Variants in IGF2BP2 observed in about 807,000 individuals in gnomAD.
The protein encoded by IGF2BP2 is insulin like growth factor 2 mRNA binding protein 2.
A neutral mutation model predicts 75.8 loss-of-function variants in IGF2BP2; 17 were observed. The ratio of observed to expected loss-of-function variants is 0.22; its 90% confidence interval spans 0.15 to 0.34. The LOEUF (loss-of-function observed/expected upper bound fraction) is 0.34, where lower values mean the gene tolerates loss of function less well. Among genes scored for constraint, IGF2BP2 ranks in the 10% least tolerant of loss-of-function variants. The pLI is 1.00. For missense variants in IGF2BP2, 516 were observed against 772.4 expected, an observed-to-expected ratio of 0.67 and a Z score of 3.93; for synonymous variants, 288 against 295.6, an observed-to-expected ratio of 0.97 and a Z score of 0.26.
intron 2 of IGF2BP2, among the ~76,000 whole-genome samples, chr3:185,735,771 A>G (rs1377063976): frequency 1.3e-5 from 2 of 152,194 alleles, no homozygotes; most frequent in African/African-American, 2.4e-5. Context: ...TTCTAAAAAT[A>G]TACCTTTTCA....
intron 2 of IGF2BP2, among the ~76,000 whole-genome samples, chr3:185,757,459 C>CTTTTT (rs57417087): frequency 1.5e-4 from 15 of 99,632 alleles, no homozygotes; most frequent in South Asian, 6.5e-4. Context: ...ATATCTCATA[C>CTTTTT]TTTTTTTTTT....
At chr3:185,663,045 C>T (rs1716729403) in intron 10 of IGF2BP2, among the ~76,000 whole-genome samples, 2 of 152,148 alleles carry the variant, frequency 1.3e-5, no homozygotes, top group Non-Finnish European at 2.9e-5. Context: ...TCAAATCTTG[C>T]TTATTTATAA....
At chr3:185,660,380 G>T (rs759434826) in intron 10 of IGF2BP2, among the ~76,000 whole-genome samples, 1 of 152,152 alleles carries the variant, frequency 6.6e-6, no homozygotes, top group Non-Finnish European at 1.5e-5. Flanking sequence ...TCCATCCCCC[G>T]AATCTCCTGA....
intron 7 of IGF2BP2, among the ~76,000 whole-genome samples, chr3:185,686,534 G>A (rs1577967438): frequency 1.3e-5 from 2 of 152,116 alleles, no homozygotes; most frequent in Admixed American, 1.3e-4. Flanking sequence ...TTAGAAGCAT[G>A]GTGGGAGAAA....
At chr3:185,685,774 C>T (rs559186067) in intron 7 of IGF2BP2, among the ~76,000 whole-genome samples, 36 of 152,166 alleles carry the variant, frequency 2.4e-4, no homozygotes, top group African/African-American at 7.7e-4. Flanking sequence ...CCTGAGTAGC[C>T]GAGACTACAG....
chr3:185,824,773 G>A lies in IGF2BP2; in HGVS notation c.178+10C>T. 4 of 1,335,944 alleles carry A rather than the reference G, an allele frequency of 3.0e-6. No homozygotes were observed. The highest frequency in any genetic ancestry group is 2.7e-4 in the Middle Eastern group (1 of 3,734). The allele number at this position is 1,335,944 out of a possible 1,614,324, so 82.8% of individuals were successfully genotyped here. A position where few individuals can be genotyped will look rare whatever the true frequency, so the allele number is the denominator to read the frequency against. On this transcript the variant is annotated intron_variant, in intron 1 of 15. Coordinates refer to ENST00000382199, the MANE Select transcript of IGF2BP2 (RefSeq NM_006548.6). ...CGAGGCGGGGGGAGGGGGCCGCGCT[G>A]AGTGCTCACCCGAGAGGGTCTCGAT...
chr3:185,662,773 C>T (rs1425517749), intron 10 of IGF2BP2, among the ~76,000 whole-genome samples: 2 of 152,012 alleles, frequency 1.3e-5, no homozygotes, highest in African/African-American at 2.4e-5. Flanking sequence ...AAACTCCTGA[C>T]CTCAGGTGAT....
rs578107227 is a variant in IGF2BP2 at position 185,712,821 on chromosome 3, GTATTT to G, written c.240-14479_240-14475del. Among the ~76,000 whole-genome samples the G allele has an allele frequency of 2.0e-3, 298 of 152,106 alleles. 1 individual carries two copies. Among genetic ancestry groups the G allele is most frequent in the African/African-American group, 6.9e-3 (286 of 41,508 alleles). ...AATAAGTTAGGTGACAAACTCCACT[GTATTT>G]TATAATTGGATGGCTTACAAATCAA... On this transcript the variant is annotated intron_variant, in intron 2 of 15. Coordinates refer to ENST00000382199, the MANE Select transcript of IGF2BP2 (RefSeq NM_006548.6).
intron 7 of IGF2BP2, among the ~76,000 whole-genome samples, chr3:185,681,120 G>C (rs760935456): frequency 3.3e-5 from 5 of 152,046 alleles, no homozygotes; most frequent in Non-Finnish European, 5.9e-5. Context: ...AGAAATAAAA[G>C]GCATTCGAAT....
intron 2 of IGF2BP2, among the ~76,000 whole-genome samples, chr3:185,822,360 A>G (rs1240765409): frequency 2.0e-5 from 3 of 152,234 alleles, no homozygotes; most frequent in Admixed American, 6.5e-5. Context: ...AAAATTTAGA[A>G]TGAGTAATAA....
intron 2 of IGF2BP2, among the ~76,000 whole-genome samples, chr3:185,730,351 A>G (rs917833228): frequency 2.0e-5 from 3 of 151,446 alleles, no homozygotes; most frequent in Non-Finnish European, 4.4e-5. Flanking sequence ...TCCAATCATC[A>G]GTTGATGGGC....
At chr3:185,683,268 G>C (rs1208040460) in intron 7 of IGF2BP2, among the ~76,000 whole-genome samples, 2 of 152,232 alleles carry the variant, frequency 1.3e-5, no homozygotes, top group Admixed American at 6.5e-5. Context: ...GTGATTACCA[G>C]AGGCTGACGG....
chr3:185,708,825 T>G (rs1724410731), intron 2 of IGF2BP2, among the ~76,000 whole-genome samples: 1 of 152,126 alleles, frequency 6.6e-6, no homozygotes. Flanking sequence ...AAACATGCAT[T>G]TGGATTCAGG....
At chr3:185,780,132 A>C (rs1299727735) in intron 2 of IGF2BP2, among the ~76,000 whole-genome samples, 1 of 152,224 alleles carries the variant, frequency 6.6e-6, no homozygotes, top group African/African-American at 2.4e-5. Context: ...CAGTTGTTTA[A>C]AGTAAAAGAA....
At chr3:185,802,788 AG>A (rs1738454436) in intron 2 of IGF2BP2, among the ~76,000 whole-genome samples, 1 of 152,196 alleles carries the variant, frequency 6.6e-6, no homozygotes, top group African/African-American at 2.4e-5. Context: ...AATATTCAGA[AG>A]AAAAAGCTTT....
chr3:185,709,484 G>A (rs139617393), intron 2 of IGF2BP2, among the ~76,000 whole-genome samples: 9 of 152,298 alleles, frequency 5.9e-5, no homozygotes, highest in East Asian at 1.9e-4. Flanking sequence ...TCTGTCTTTC[G>A]ACTGTAAGAG....
At chr3:185,693,028 A>C in intron 4 of IGF2BP2, 2 of 315,354 alleles carry the variant, frequency 6.3e-6, no homozygotes, top group Non-Finnish European at 1.2e-5. Context: ...ATTTTGTATC[A>C]GTACATTTTC....
rs928132526 is a variant in IGF2BP2, at chr3:185,655,085, A to G, written c.1386+2201T>C. Among the ~76,000 whole-genome samples, 8 of 152,364 alleles carry G rather than the reference A, an allele frequency of 5.3e-5. No individual in the cohort carries two copies. In the East Asian group the frequency reaches 1.3e-3, roughly 26 times the overall value. Reference sequence around the variant, plus strand: ...TCTTGCTTTAGAGACAGATGTTTTCAGGGACCTGTTGAGACAAAGGGAATC... The same window carrying G: ...TCTTGCTTTAGAGACAGATGTTTTCGGGGACCTGTTGAGACAAAGGGAATC... On this transcript the variant is annotated intron_variant, in intron 12 of 15. Transcript: ENST00000382199.
chr3:185,818,125 C>A (rs1740847193), intron 2 of IGF2BP2, among the ~76,000 whole-genome samples: 1 of 152,182 alleles, frequency 6.6e-6, no homozygotes, highest in Admixed American at 6.5e-5. Context: ...AGTTTACTCA[C>A]TGAGAGCACT....
Sources: gnomAD v4.1 joint callset for allele counts (sites outside exome capture counted in the v4.1 genomes callset) on GRCh38, gnomAD v4.1.1 for gene constraint, MANE v1.5 for transcripts, NCBI Gene and HGNC (gene_info 2026-07-23, HGNC 2026-07-21) for gene names.